The following YTHDC2 variants were observed in gnomAD, a reference collection of about 807,000 sequenced individuals.
YTHDC2 encodes YTH N6-methyladenosine RNA binding protein C2.
A neutral mutation model predicts 174.9 loss-of-function variants in YTHDC2; 45 were observed. That is an observed-to-expected ratio of 0.26 (90% CI 0.20 to 0.33). YTHDC2 has a LOEUF of 0.33. YTHDC2 is among the 10% of genes least tolerant of loss of function. YTHDC2 has a pLI of 1.00. For missense variants in YTHDC2, 1,650 were observed against 1,723.7 expected (o/e 0.96, Z 0.76); for synonymous variants, 657 against 574.5 (o/e 1.14, Z -2.05).
At chr5:113,562,420 A>G (rs868699916) in intron 18 of YTHDC2, among the ~76,000 whole-genome samples, 3 of 150,990 alleles carry the variant, frequency 2.0e-5, no homozygotes, top group African/African-American at 7.3e-5. Context: ...GAGAGGCAGG[A>G]TAATGTGTTA....
At chr5:113,574,595 C>G (rs1313381582) in intron 23 of YTHDC2, among the ~76,000 whole-genome samples, 1 of 152,184 alleles carries the variant, frequency 6.6e-6, no homozygotes, top group East Asian at 1.9e-4. Flanking sequence ...CCACCCCTCC[C>G]CCTGGGAACT....
intron 2 of YTHDC2, among the ~76,000 whole-genome samples, chr5:113,519,792 A>G (rs1396260403): frequency 6.6e-6 from 1 of 152,242 alleles, no homozygotes; most frequent in Non-Finnish European, 1.5e-5. Flanking sequence ...TAAAAAATTC[A>G]TTATATAAAT....
At position 113,586,871 on chromosome 5, in the gene YTHDC2, C is replaced by CTA. The variant is rs1006364577; in HGVS notation, c.3825+2393_3825+2394insAT. On this transcript the variant is annotated intron_variant, in intron 26 of 29. Transcript: ENST00000161863. ...CATTAATATCTCTCTCTCTCTCTCTCTCTATATATATATATAATATATAAA... is the reference window on the plus strand; with the variant it reads ...CATTAATATCTCTCTCTCTCTCTCTCTATCTATATATATATATAATATATAAA... Among the ~76,000 whole-genome samples, 659 of 130,520 alleles carry CTA rather than the reference C, an allele frequency of 5.0e-3. 16 individuals are homozygous for CTA. Among genetic ancestry groups the CTA allele is most frequent in the African/African-American group, 0.016 (569 of 34,736 alleles). 85.6% of individuals were successfully genotyped at this position (130,520 alleles called of 152,430 possible).
intron 18 of YTHDC2, among the ~76,000 whole-genome samples, chr5:113,561,434 A>T (rs1454489559): frequency 6.7e-6 from 1 of 150,372 alleles, no homozygotes; most frequent in African/African-American, 2.5e-5. Flanking sequence ...GGATATATAT[A>T]TATTTTTTAT....
intron 2 of YTHDC2, among the ~76,000 whole-genome samples, chr5:113,518,599 G>A (rs936872077): frequency 1.5e-5 from 2 of 135,474 alleles, no homozygotes; most frequent in African/African-American, 5.4e-5. Context: ...GTGTGTGTGT[G>A]TATCTGTAGG....
intron 16 of YTHDC2, 75 bp downstream of exon 16, chr5:113,554,097 T>TGA: frequency 7.9e-7 from 1 of 1,265,800 alleles, no homozygotes; most frequent in Non-Finnish European, 1.0e-6. Flanking sequence ...TTTTATTTAT[T>TGA]ATTTAGTTGT....
At position 113,515,255 on chromosome 5, in the gene YTHDC2, G is replaced by GT. The variant is rs760932174; in HGVS notation, c.188-9dup. 1.4e-4 allele frequency: 227 copies of GT among 1,584,122 alleles called. No individual in the cohort carries two copies. Among genetic ancestry groups the GT allele is most frequent in the Non-Finnish European group, 1.7e-4 (197 of 1,167,640 alleles). ...GCCTATCTACAAATTTTACTACTTT[G>GT]TTTTTTTTCCGTGTAGAAATGGAAT... On this transcript the variant is annotated splice_polypyrimidine_tract_variant and intron_variant, in intron 1 of 29. Coordinates refer to ENST00000161863, the MANE Select transcript of YTHDC2 (RefSeq NM_022828.5).
rs948582858 is a variant in YTHDC2, at chr5:113,563,782, A to G, written c.2443-77A>G. Reference sequence around the variant, plus strand: ...AAGAAAATCTATATTCTTATTTCTCATTTAGGGGTTTTTAATTATGTGTTT... The same window carrying G: ...AAGAAAATCTATATTCTTATTTCTCGTTTAGGGGTTTTTAATTATGTGTTT... On this transcript the variant is annotated intron_variant, in intron 19 of 29. Transcript: ENST00000161863. 4 of 1,500,924 alleles carry G rather than the reference A, an allele frequency of 2.7e-6. No individual in the cohort carries two copies. In the African/African-American group the frequency reaches 5.6e-5, roughly 21 times the overall value. 93.0% of individuals were successfully genotyped at this position (1,500,924 alleles called of 1,614,324 possible).
intron 28 of YTHDC2, chr5:113,592,947 G>A (rs1046706454): frequency 1.2e-5 from 2 of 160,994 alleles, no homozygotes; most frequent in African/African-American, 4.8e-5. Context: ...GAATATGCTA[G>A]GTTTCACAGT....
chr5:113,560,012 T>C (rs1022605337), intron 17 of YTHDC2, among the ~76,000 whole-genome samples: 2 of 152,208 alleles, frequency 1.3e-5, no homozygotes, highest in South Asian at 4.1e-4. Flanking sequence ...TGAGAAGAGT[T>C]AGCTAAAGCT....
At chr5:113,584,773 C>CTTTTTTTTT (rs34217644) in intron 26 of YTHDC2, among the ~76,000 whole-genome samples, 1 of 95,734 alleles carries the variant, frequency 1.0e-5, no homozygotes, top group Non-Finnish European at 2.0e-5. Flanking sequence ...CTTTCGAATC[C>CTTTTTTTTT]TTTTTTTTTT....
intron 11 of YTHDC2, 39 bp from the exon 12 acceptor site, chr5:113,548,916 A>G (rs1403354338): frequency 1.9e-6 from 3 of 1,582,970 alleles, no homozygotes; most frequent in Non-Finnish European, 2.6e-6. Context: ...TAGTTTTACA[A>G]TTTTGATGAC....
At chr5:113,550,056 G>GAAACTGTTGGAGA (rs1776143747) in intron 12 of YTHDC2, among the ~76,000 whole-genome samples, 1 of 151,854 alleles carries the variant, frequency 6.6e-6, no homozygotes. Context: ...CCTTTATTAG[G>GAAACTGTTGGAGA]AAACTGTTGG....
At chr5:113,552,926 C>T (rs1776344363) in intron 12 of YTHDC2, among the ~76,000 whole-genome samples, 1 of 151,992 alleles carries the variant, frequency 6.6e-6, no homozygotes, top group Non-Finnish European at 1.5e-5. Flanking sequence ...TGTTGAACAT[C>T]TTTTCATGTG....
intron 25 of YTHDC2, 136 bp from the exon 26 acceptor site, chr5:113,584,166 A>G: frequency 1.5e-6 from 1 of 678,002 alleles, no homozygotes; most frequent in Non-Finnish European, 2.3e-6. Context: ...TTTTTAAATA[A>G]TATTCCATAA....
chr5:113,555,067 A>T (rs1326356949), intron 16 of YTHDC2, among the ~76,000 whole-genome samples: 1 of 152,056 alleles, frequency 6.6e-6, no homozygotes, highest in African/African-American at 2.4e-5. Flanking sequence ...TTATTTTTAT[A>T]TAATAGTACA....
intron 21 of YTHDC2, among the ~76,000 whole-genome samples, chr5:113,566,255 T>G (rs1292177365): frequency 6.6e-6 from 1 of 152,186 alleles, no homozygotes; most frequent in Non-Finnish European, 1.5e-5. Context: ...ATCTATATGC[T>G]TGTGATACTG....
intron 12 of YTHDC2, among the ~76,000 whole-genome samples, chr5:113,552,415 T>G (rs894950448): frequency 3.1e-4 from 47 of 152,164 alleles, no homozygotes; most frequent in African/African-American, 1.1e-3. Flanking sequence ...TTGTCTATTT[T>G]GGACATTTTA....
At chr5:113,532,176 T>C (rs1774719167) in intron 4 of YTHDC2, among the ~76,000 whole-genome samples, 1 of 152,340 alleles carries the variant, frequency 6.6e-6, no homozygotes, top group East Asian at 1.9e-4. Flanking sequence ...TCTGGTATGT[T>C]ATGTGAAAAC....
Sources: gnomAD v4.1 joint callset for allele counts (sites outside exome capture counted in the v4.1 genomes callset) on GRCh38, gnomAD v4.1.1 for gene constraint, MANE v1.5 for transcripts, NCBI Gene and HGNC (gene_info 2026-07-23, HGNC 2026-07-21) for gene names.